Variants in MYOM2 observed in about 807,000 individuals in gnomAD.
MYOM2 encodes the protein myomesin-2.
A neutral mutation model predicts 187.6 loss-of-function variants in MYOM2; 254 were observed. The observed-to-expected ratio is 1.35, with a 90% confidence interval of 1.22 to 1.50. MYOM2 has a LOEUF of 1.50. Among genes scored for constraint, MYOM2 ranks in the 40% most tolerant of loss-of-function variants. The probability of loss-of-function intolerance (pLI) is 0.00; values close to 1 mark genes in which losing one functional copy is unlikely to be tolerated. For synonymous variants in MYOM2, 981 were observed against 753.8 expected (o/e 1.30, Z -4.94); for missense variants, 2,796 against 1,924.0 (o/e 1.45, Z -8.48).
At chr8:2,130,056 T>G (rs1585961108) in intron 32 of MYOM2, among the ~76,000 whole-genome samples, 1 of 151,980 alleles carries the variant, frequency 6.6e-6, no homozygotes, top group Non-Finnish European at 1.5e-5. Context: ...GGCACCCAGA[T>G]GTTAACGCCC....
intron 32 of MYOM2, among the ~76,000 whole-genome samples, chr8:2,136,114 C>G (rs973188466): frequency 7.9e-5 from 12 of 152,310 alleles, no homozygotes; most frequent in African/African-American, 2.9e-4. Flanking sequence ...GAACCCAGTC[C>G]AAGAGAAGTG....
At chr8:2,118,002 T>C in intron 28 of MYOM2, 50 bp downstream of exon 28, 2 of 1,527,058 alleles carry the variant, frequency 1.3e-6, no homozygotes, top group Non-Finnish European at 1.8e-6. Flanking sequence ...TTCTGGTTCC[T>C]ATCAGAGAGG....
At chr8:2,053,360 G>A (rs962100909) in intron 3 of MYOM2, among the ~76,000 whole-genome samples, 8 of 152,212 alleles carry the variant, frequency 5.3e-5, no homozygotes, top group African/African-American at 1.9e-4. Context: ...TTGAAATGTA[G>A]ATGTTAACAC....
chr8:2,115,696 G>A (rs1797217120), intron 25 of MYOM2, among the ~76,000 whole-genome samples: 1 of 152,082 alleles, frequency 6.6e-6, no homozygotes, highest in Non-Finnish European at 1.5e-5. Flanking sequence ...CTCATTCTTG[G>A]GTAGGTGTGG....
In MYOM2 at chr8:2,090,102, CT is replaced by C; in HGVS notation, c.1741del (p.Tyr581MetfsTer13). ...GTGTTTGACCTCATGGAAGGGAAGT[CT>C]TATGTGTTCCGAGTGCTGTCAGCAA... ...YAVFDLMEGK[S>X]YVFRVLSANR... is the part of the protein sequence containing the mutation. On this transcript the variant is annotated frameshift_variant, in exon 15 of 37. Transcript: ENST00000262113. LOFTEE classifies it high-confidence loss of function. 1 of 1,614,038 alleles carries C rather than the reference CT, an allele frequency of 6.2e-7. No individual in the cohort carries two copies. Among genetic ancestry groups the C allele is most frequent in the South Asian group, 1.1e-5 (1 of 91,058 alleles).
chr8:2,124,710 G>A (rs1043010114), intron 31 of MYOM2, among the ~76,000 whole-genome samples: 3 of 152,114 alleles, frequency 2.0e-5, no homozygotes, highest in East Asian at 3.9e-4. Flanking sequence ...TAATTTACAT[G>A]CCACCAATCA....
chr8:2,109,648 A>AC lies in MYOM2; in HGVS notation c.3180+117_3180+118insC, dbSNP rs1384243377. ...TTCCATCCTTTTCTGAGCCTTAAAG[A>AC]TTGGGGCATGGAAGGTTGACAAGAT... On this transcript the variant is annotated intron_variant, in intron 25 of 36. Transcript: ENST00000262113. The AC allele has an allele frequency of 7.0e-6, 8 of 1,150,998 alleles. No homozygotes were observed. The Admixed American group carries it at 2.2e-4, about 32-fold the overall frequency. 71.3% of individuals were successfully genotyped at this position (1,150,998 alleles called of 1,614,324 possible).
rs369315146 is a variant in MYOM2 at position 2,123,380 on chromosome 8, G to C, written c.3567+15G>C. ...TCATCCCAAAGGTATCAGGCATTGA[G>C]TAACACAAGAAAGCAAAACAAAAAC... On this transcript the variant is annotated intron_variant, in intron 29 of 36. Coordinates refer to ENST00000262113, the MANE Select transcript of MYOM2 (RefSeq NM_003970.4). 10 of 1,492,796 alleles carry C rather than the reference G, an allele frequency of 6.7e-6. No individual in the cohort carries two copies. Among genetic ancestry groups the C allele is most frequent in the Middle Eastern group, 1.7e-4 (1 of 5,838 alleles). The allele number at this position is 1,492,796 out of a possible 1,614,324, so 92.5% of individuals were successfully genotyped here.
intron 1 of MYOM2, among the ~76,000 whole-genome samples, chr8:2,047,936 G>A (rs567468252): frequency 1.3e-5 from 2 of 152,360 alleles, no homozygotes; most frequent in South Asian, 2.1e-4. Context: ...ACTGGTTGAA[G>A]GATAGCTAGT....
intron 2 of MYOM2, among the ~76,000 whole-genome samples, chr8:2,051,317 A>G (rs1818477798): frequency 6.6e-6 from 1 of 152,134 alleles, no homozygotes; most frequent in Non-Finnish European, 1.5e-5. Flanking sequence ...GGATGTGCCG[A>G]GATCAAGAAT....
intron 32 of MYOM2, among the ~76,000 whole-genome samples, chr8:2,139,843 AG>A (rs1372354307): frequency 6.6e-6 from 1 of 152,210 alleles, no homozygotes; most frequent in African/African-American, 2.4e-5. Flanking sequence ...TATATGTTGC[AG>A]ATGTGGAACC....
rs1482046299 is a variant in MYOM2 at position 2,143,472 on chromosome 8, T to C, written c.4080+16T>C. On this transcript the variant is annotated intron_variant, in intron 36 of 36. Coordinates refer to ENST00000262113, the MANE Select transcript of MYOM2 (RefSeq NM_003970.4). Reference sequence around the variant, plus strand: ...GGAAGGGAAGGTGAGGATTCTAAACTCGGCCGGGGTGGGGGTGTCAGCACG... The same window carrying C: ...GGAAGGGAAGGTGAGGATTCTAAACCCGGCCGGGGTGGGGGTGTCAGCACG... The C allele has an allele frequency of 6.2e-7, 1 of 1,613,706 alleles. No individual in the cohort carries two copies. Among genetic ancestry groups the C allele is most frequent in the African/African-American group, 1.3e-5 (1 of 74,798 alleles).
intron 3 of MYOM2, among the ~76,000 whole-genome samples, chr8:2,052,993 G>A (rs967391421): frequency 3.3e-5 from 5 of 152,200 alleles, no homozygotes; most frequent in Non-Finnish European, 5.9e-5. Context: ...GAAACAGGTG[G>A]TGATATGGCT....
intron 13 of MYOM2, among the ~76,000 whole-genome samples, chr8:2,079,955 C>T (rs558845536): frequency 6.6e-6 from 1 of 152,282 alleles, no homozygotes; most frequent in South Asian, 2.1e-4. Flanking sequence ...TCCTTTCTCA[C>T]AGATTGCATT....
intron 17 of MYOM2, 104 bp downstream of exon 17, chr8:2,094,195 A>AGG: frequency 1.4e-6 from 2 of 1,419,986 alleles, no homozygotes; most frequent in Non-Finnish European, 1.9e-6. Context: ...GAAGGGGAAA[A>AGG]GGGGACTAAA....
intron 20 of MYOM2, among the ~76,000 whole-genome samples, chr8:2,101,597 C>T (rs1796711915): frequency 6.6e-6 from 1 of 152,160 alleles, no homozygotes; most frequent in Admixed American, 6.5e-5. Context: ...TCCTTCCATT[C>T]ACACCAACAT....
chr8:2,057,268 G>T, intron 3 of MYOM2, 80 bp from the exon 4 acceptor site: 2 of 1,505,148 alleles, frequency 1.3e-6, no homozygotes, highest in South Asian at 1.3e-5. Flanking sequence ...GAGAGAATGG[G>T]CATGCCCTTT....
chr8:2,115,857 A>C, intron 25 of MYOM2, 103 bp from the exon 26 acceptor site: 1 of 1,310,922 alleles, frequency 7.6e-7, no homozygotes, highest in Non-Finnish European at 1.1e-6. Flanking sequence ...TTCCTATCAT[A>C]ATCCCTTGAG....
Position 2,142,367 on chromosome 8 carries a change from AC to A in MYOM2, c.4002-7del, listed in dbSNP as rs1563086501. On this transcript the variant is annotated splice_region_variant and splice_polypyrimidine_tract_variant and intron_variant, in intron 34 of 36. Transcript: ENST00000262113. ...CATTCTCTCCTTTCTGTCCCCTTTAACTTTTAGAGCTGCTGCTTTTGCAGAG... is the reference window on the plus strand; with the variant it reads ...CATTCTCTCCTTTCTGTCCCCTTTAATTTTAGAGCTGCTGCTTTTGCAGAG... 6.2e-7 allele frequency: 1 copy of A among 1,613,356 alleles called. No homozygotes were observed. The highest frequency in any genetic ancestry group is 2.2e-5 in the East Asian group (1 of 44,870).
Sources: allele counts gnomAD v4.1 joint callset (sites outside exome capture counted in the v4.1 genomes callset), GRCh38; gene constraint gnomAD v4.1.1; transcripts MANE v1.5; gene names NCBI Gene and HGNC (gene_info 2026-07-23, HGNC 2026-07-21).